CHIC2: variants seen among roughly 807,000 people sequenced by gnomAD.
CHIC2 encodes cysteine-rich hydrophobic domain-containing protein 2.
Under a neutral mutation model 25.9 loss-of-function variants are expected in CHIC2, and 14 were observed. That is an observed-to-expected ratio of 0.54 (90% CI 0.36 to 0.85). The LOEUF is 0.85. Among genes scored for constraint, CHIC2 ranks in the 40% least tolerant of loss-of-function variants. CHIC2 has a pLI of 0.01. For synonymous variants in CHIC2, 70 were observed against 72.0 expected (o/e 0.97, Z 0.14); for missense variants, 146 against 202.0 (o/e 0.72, Z 1.68).
intron 3 of CHIC2, among the ~76,000 whole-genome samples, chr4:54,037,629 G>C (rs1055524531): frequency 9.9e-5 from 15 of 151,986 alleles, no homozygotes; most frequent in African/African-American, 3.6e-4. Context: ...TAAAAGTTTT[G>C]AACATGCCAT....
At chr4:54,052,382 A>T (rs1717028568) in intron 1 of CHIC2, among the ~76,000 whole-genome samples, 4 of 152,176 alleles carry the variant, frequency 2.6e-5, no homozygotes, top group Non-Finnish European at 1.5e-5. Context: ...TTTGTTTTCA[A>T]TTGACAGCAT....
At chr4:54,031,199 T>C (rs1439942838) in intron 3 of CHIC2, among the ~76,000 whole-genome samples, 1 of 150,282 alleles carries the variant, frequency 6.7e-6, no homozygotes, top group Non-Finnish European at 1.5e-5. Flanking sequence ...AACCTAACGC[T>C]GAGAGAGGTT....
intron 3 of CHIC2, among the ~76,000 whole-genome samples, chr4:54,047,470 T>TA (rs1194733415): frequency 1.8e-4 from 27 of 151,670 alleles, no homozygotes; most frequent in Non-Finnish European, 1.5e-5. Context: ...TATGCAGCCA[T>TA]AAAAAAGGAT....
chr4:54,088,116 T>C, the CHIC2 span, among the ~76,000 whole-genome samples: 113 of 152,296 alleles, frequency 7.4e-4, no homozygotes, highest in African/African-American at 2.4e-3. Context: ...TAATGCTACA[T>C]GACAAAATGC....
chr4:54,078,956 G>A, the CHIC2 span, among the ~76,000 whole-genome samples: 1 of 151,350 alleles, frequency 6.6e-6, no homozygotes, highest in Non-Finnish European at 1.5e-5. Context: ...GTGGCTCATG[G>A]CTGTAATCCT....
the CHIC2 span, among the ~76,000 whole-genome samples, chr4:54,082,227 A>G: frequency 6.6e-6 from 1 of 152,230 alleles, no homozygotes; most frequent in Non-Finnish European, 1.5e-5. Flanking sequence ...CTGGAGGTGG[A>G]TAAGACAGAA....
chr4:54,045,508 T>G (rs1218046025), intron 3 of CHIC2, among the ~76,000 whole-genome samples: 1 of 152,084 alleles, frequency 6.6e-6, no homozygotes, highest in Non-Finnish European at 1.5e-5. Flanking sequence ...CGAAAATCAA[T>G]AAACGTAATC....
Position 54,013,855 on chromosome 4 carries a change from C to T in CHIC2, c.429G>A (p.Thr143=), listed in dbSNP as rs1268135876. ...HWRLSKRKCE[T]NNMMEYVILI... is the part of the protein sequence containing the mutation. ...AACTTACATATTCCATCATGTTATTCGTTTCACATTTCCTTTTGCTCAGTC... is the reference window on the plus strand; with the variant it reads ...AACTTACATATTCCATCATGTTATTTGTTTCACATTTCCTTTTGCTCAGTC... The change falls in exon 5 of 6, where the codon ACG becomes ACA. Residue 143 remains threonine (T), a synonymous_variant. Transcript: ENST00000263921. 5 of 1,613,240 alleles carry T rather than the reference C, an allele frequency of 3.1e-6. No individual in the cohort carries two copies. Among genetic ancestry groups the T allele is most frequent in the South Asian group, 1.1e-5 (1 of 91,024 alleles).
At chr4:54,078,186 T>C in the CHIC2 span, among the ~76,000 whole-genome samples, 13 of 152,228 alleles carry the variant, frequency 8.5e-5, no homozygotes, top group Non-Finnish European at 1.8e-4. Context: ...CTCAGGACCC[T>C]ACCCTCATGT....
chr4:54,032,389 C>A lies in CHIC2; in HGVS notation c.330+16566G>T, dbSNP rs553786959. ...TGCCTGATTCTCCTGCCTCAGCCTG[C>A]CGAGTGCCTGCGATTGCAGGTGCGC... is the stretch of plus-strand genomic sequence containing the variant. On this transcript the variant is annotated intron_variant, in intron 3 of 5. Transcript: ENST00000263921. Among the ~76,000 whole-genome samples, 1,300 of 151,416 alleles carry A rather than the reference C, an allele frequency of 8.6e-3. 14 individuals are homozygous for A. Among genetic ancestry groups the A allele is most frequent in the African/African-American group, 0.03 (1,212 of 41,078 alleles).
intron 1 of CHIC2, among the ~76,000 whole-genome samples, chr4:54,054,895 T>G (rs1000933863): frequency 5.9e-5 from 9 of 152,014 alleles, no homozygotes; most frequent in Non-Finnish European, 1.0e-4. Flanking sequence ...CAAAATAAAC[T>G]GAAGCCAATA....
intron 1 of CHIC2, chr4:54,060,325 T>C (rs1234071741): frequency 6.6e-6 from 1 of 151,996 alleles, no homozygotes; most frequent in Non-Finnish European, 1.5e-5. Flanking sequence ...TAAAAACTGG[T>C]GTTGAAGGAT....
At chr4:54,036,928 T>C (rs552655364) in intron 3 of CHIC2, among the ~76,000 whole-genome samples, 14 of 151,826 alleles carry the variant, frequency 9.2e-5, no homozygotes, top group Non-Finnish European at 1.5e-4. Flanking sequence ...AGCAGCTTTA[T>C]TTATACAGAC....
intron 3 of CHIC2, among the ~76,000 whole-genome samples, chr4:54,030,919 G>C (rs1421667487): frequency 6.6e-6 from 1 of 150,620 alleles, no homozygotes; most frequent in Non-Finnish European, 1.5e-5. Context: ...TGTCGTCTAG[G>C]CTGGAGTGCA....
chr4:54,064,248 A>G lies in CHIC2; in HGVS notation c.53T>C (p.Leu18Pro). 6.2e-7 allele frequency: 1 copy of G among 1,610,812 alleles called. No homozygotes were observed. The highest frequency in any genetic ancestry group is 8.5e-7 in the Non-Finnish European group (1 of 1,178,636). The change falls in exon 1 of 6, where the codon CTG (leucine) becomes CCG (proline). Residue 18 changes from leucine to proline, a missense_variant. Physicochemically the swap from Leu to Pro is moderately conservative, Grantham distance 98. Transcript: ENST00000263921. The surrounding 1 kb of genome is among the most constrained non-coding windows in gnomAD (Gnocchi z 4.2). ...CGAGTACTTGAGCAGCTGCTCCTCC[A>G]GGGCCCGCTCCTCGTCCTCCTCTTC... ...YEEEEDEERA[L>P]EEQLLKYSPD...
intron 3 of CHIC2, among the ~76,000 whole-genome samples, chr4:54,042,773 C>A (rs769591956): frequency 6.6e-6 from 1 of 151,886 alleles, no homozygotes; most frequent in South Asian, 2.1e-4. Flanking sequence ...AAAAAAAGAA[C>A]CATTTTTAGA....
At chr4:54,032,755 T>A (rs1408568980) in intron 3 of CHIC2, among the ~76,000 whole-genome samples, 1 of 152,094 alleles carries the variant, frequency 6.6e-6, no homozygotes, top group Non-Finnish European at 1.5e-5. Context: ...CTGCCAAAAG[T>A]GGAAGTACTA....
chr4:54,086,835 C>G, the CHIC2 span: 2 of 506,174 alleles, frequency 4.0e-6, no homozygotes, highest in Non-Finnish European at 7.3e-6. Context: ...TCCTCCTAGA[C>G]CATCCTGCAA....
intron 3 of CHIC2, among the ~76,000 whole-genome samples, chr4:54,029,125 G>GAAAAAAA (rs371108660): frequency 4.7e-5 from 4 of 84,534 alleles, no homozygotes; most frequent in Non-Finnish European, 5.1e-5. Flanking sequence ...CCATCTCAAA[G>GAAAAAAA]AAAAAAAAAA....
Sources: gnomAD v4.1 joint callset for allele counts (sites outside exome capture counted in the v4.1 genomes callset) on GRCh38, gnomAD v4.1.1 for gene constraint, Gnocchi (gnomAD v3.1) non-coding constraint, MANE v1.5 for transcripts, NCBI Gene and HGNC (gene_info 2026-07-23, HGNC 2026-07-21) for gene names.